Variants in DIXDC1 observed in about 807,000 individuals in gnomAD.
The protein encoded by DIXDC1 is dixin.
DIXDC1 carries 64 observed loss-of-function variants against 103.1 expected under a neutral mutation model. The ratio of observed to expected loss-of-function variants is 0.62; its 90% CI spans 0.51 to 0.76. The LOEUF (loss-of-function observed/expected upper bound fraction) is 0.76. Among genes scored for constraint, DIXDC1 ranks in the 30% least tolerant of loss-of-function variants. DIXDC1 has a pLI of 0.00. For synonymous variants in DIXDC1, 266 were observed against 298.5 expected (o/e 0.89, Z 1.12); for missense variants, 759 against 834.2 (o/e 0.91, Z 1.11).
intron 2 of DIXDC1, among the ~76,000 whole-genome samples, chr11:111,967,716 G>A (rs1859785189): frequency 6.6e-6 from 1 of 152,218 alleles, no homozygotes; most frequent in South Asian, 2.1e-4. Flanking sequence ...ACGGGCGCGG[G>A]CGTAAGCCAT....
chr11:111,976,352 G>C lies in DIXDC1; in HGVS notation c.656+1369G>C, dbSNP rs895226373. The stretch of plus-strand genomic sequence containing the variant: ...GAGGGCTGTGAGACTGTGAATGTGT[G>C]AATGAGGGGCCCACCGGCTATCAGG... On this transcript the variant is annotated intron_variant, in intron 5 of 19. Transcript: ENST00000440460. This position sits in a 1 kb window ranked among gnomAD's most constrained non-coding sequence, Gnocchi z 4.3. Among the ~76,000 whole-genome samples, 1 of 152,114 alleles carries C rather than the reference G, an allele frequency of 6.6e-6. No homozygotes were observed. The highest frequency in any genetic ancestry group is 1.9e-4 in the East Asian group (1 of 5,192).
At chr11:111,933,013 ATTAT>A (rs1966080075), upstream of DIXDC1, among the ~76,000 whole-genome samples, 1 of 152,254 alleles carries the variant, frequency 6.6e-6, no homozygotes, top group Non-Finnish European at 1.5e-5. Context: ...GATACTAAAA[ATTAT>A]TTATATTTGG....
At chr11:111,959,502 C>T (rs587768536) in intron 1 of DIXDC1, among the ~76,000 whole-genome samples, 30 of 152,292 alleles carry the variant, frequency 2.0e-4, no homozygotes, top group Non-Finnish European at 4.3e-4. Flanking sequence ...GTGGCTGGAC[C>T]CCATGTTCAC....
At chr11:111,937,140 G>GGGT (rs1566450832), upstream of DIXDC1, 210 of 749,912 alleles carry the variant, frequency 2.8e-4, 10 homozygotes, top group African/African-American at 3.8e-3. Context: ...GCGGGGGGGG[G>GGGT]GTGTGCGCGT....
In DIXDC1 at chr11:112,019,214, C is replaced by T. The variant is rs782807525; in HGVS notation, c.*178C>T. Reference sequence around the variant, plus strand: ...CTTTCTGTGCCTGGCATATCTGGTACTTAAAATTCTGTCCAAATGTAGACC... The same window carrying T: ...CTTTCTGTGCCTGGCATATCTGGTATTTAAAATTCTGTCCAAATGTAGACC... On this transcript the variant is annotated 3_prime_UTR_variant, in exon 20 of 20. Coordinates refer to ENST00000440460, the MANE Select transcript of DIXDC1 (RefSeq NM_001037954.4). The T allele has an allele frequency of 9.8e-6, 5 of 512,202 alleles. No individual in the cohort carries two copies. The highest frequency in any genetic ancestry group is 9.6e-5 in the Admixed American group (3 of 31,140). The allele number at this position is 512,202 out of a possible 1,614,324, so 31.7% of individuals were successfully genotyped here.
intron 17 of DIXDC1, among the ~76,000 whole-genome samples, chr11:112,001,728 A>G (rs1169208236): frequency 6.6e-6 from 1 of 151,476 alleles, no homozygotes. Flanking sequence ...TGGGGCCACT[A>G]TACAACAGAT....
In DIXDC1 at chr11:111,996,107, G is replaced by A. The variant is rs781800886; in HGVS notation, c.1717G>A (p.Val573Ile). ...TCGGGTCAAGTCACCCAGAACTCAA[G>A]TAGGTAGTGAATACCGGGAGTCCTG... is the stretch of plus-strand genomic sequence containing the variant. Reference protein sequence around the residue: ...KVRVKSPRTQVGSEYRESWPP... With the variant: ...KVRVKSPRTQIGSEYRESWPP... Residue 573 changes from valine (V) to isoleucine (I), a missense_variant, in exon 17 of 20, where the codon GTA becomes ATA. Physicochemically the swap from Val to Ile is conservative, Grantham distance 29. This residue lies in a region of DIXDC1 where 657 missense variants were observed against 727.5 expected (regional missense o/e 0.90). Coordinates refer to ENST00000440460, the MANE Select transcript of DIXDC1 (RefSeq NM_001037954.4). The A allele has an allele frequency of 1.2e-6, 2 of 1,613,796 alleles. No homozygotes were observed. Among genetic ancestry groups the A allele is most frequent in the African/African-American group, 1.3e-5 (1 of 75,026 alleles).
At chr11:111,997,730 T>TC (rs1471606097) in intron 17 of DIXDC1, among the ~76,000 whole-genome samples, 1 of 151,696 alleles carries the variant, frequency 6.6e-6, no homozygotes, top group Non-Finnish European at 1.5e-5. Flanking sequence ...TACAATAAAT[T>TC]CCCCCCCAAA....
chr11:111,954,267 G>A lies in DIXDC1; in HGVS notation c.61-10282G>A, dbSNP rs143664704. Among the ~76,000 whole-genome samples the A allele has an allele frequency of 3.4e-3, 525 of 152,180 alleles. 1 individual carries two copies. The highest frequency in any genetic ancestry group is 5.9e-3 in the Non-Finnish European group (400 of 67,990). On this transcript the variant is annotated intron_variant, in intron 1 of 19. Transcript: ENST00000440460. ...CAGTCATTAGATTCTCATAAGGAGG[G>A]TGCAACCTAGATTCCTCACATGCAC...
Position 112,022,121 on chromosome 11 carries a change from A to G in DIXDC1, c.*3085A>G, listed in dbSNP as rs1861778029. On this transcript the variant is annotated 3_prime_UTR_variant, in exon 20 of 20. Transcript: ENST00000440460. The surrounding 1 kb of genome is among the most constrained non-coding windows in gnomAD (Gnocchi z 4.9). Reference sequence around the variant, plus strand: ...GAATTTGTTTTAAACTTACTTGGTAATGGCACTTCTACTTACTGACCAACT... The same window carrying G: ...GAATTTGTTTTAAACTTACTTGGTAGTGGCACTTCTACTTACTGACCAACT... 6.6e-6 allele frequency: 1 copy of G among 152,192 alleles called. No homozygotes were observed. Among genetic ancestry groups the G allele is most frequent in the South Asian group, 2.1e-4 (1 of 4,836 alleles). 9.4% of individuals were successfully genotyped at this position (152,192 alleles called of 1,614,324 possible).
chr11:111,935,967 C>G (rs1196826131), upstream of DIXDC1, among the ~76,000 whole-genome samples: 2 of 152,116 alleles, frequency 1.3e-5, no homozygotes, highest in African/African-American at 4.8e-5. Context: ...GACATTCAGA[C>G]AAGATATTGC....
chr11:111,968,739 C>A, intron 3 of DIXDC1, 101 bp downstream of exon 3: 2 of 1,225,706 alleles, frequency 1.6e-6, no homozygotes, highest in Non-Finnish European at 2.2e-6. Context: ...GATAGAAAGT[C>A]TCCATTCATT....
At chr11:111,937,145 G>T, upstream of DIXDC1, 3 of 789,662 alleles carry the variant, frequency 3.8e-6, no homozygotes, top group East Asian at 1.2e-4. Flanking sequence ...GGGGGGGTGT[G>T]CGCGTGCGTG....
chr11:111,986,850 C>A, intron 8 of DIXDC1, 21 bp from the exon 9 acceptor site: 1 of 1,557,684 alleles, frequency 6.4e-7, no homozygotes, highest in South Asian at 1.2e-5. Context: ...GCTTAGCCAT[C>A]TCTGTTTGTC....
intron 1 of DIXDC1, among the ~76,000 whole-genome samples, chr11:111,960,010 AG>A (rs1278118048): frequency 6.6e-6 from 1 of 151,944 alleles, no homozygotes; most frequent in Admixed American, 6.6e-5. Context: ...CCCAGGCTCA[AG>A]TGATTCTCCT....
chr11:111,994,599 TG>T (rs1555175079), intron 14 of DIXDC1, among the ~76,000 whole-genome samples: 1 of 147,268 alleles, frequency 6.8e-6, no homozygotes, highest in African/African-American at 2.6e-5. Flanking sequence ...TGTATGTATA[TG>T]TATGTATGTA....
intron 1 of DIXDC1, among the ~76,000 whole-genome samples, chr11:111,954,142 A>G (rs1555170349): frequency 6.6e-6 from 1 of 152,204 alleles, no homozygotes. Flanking sequence ...TGAAATAATT[A>G]TACAACTTAC....
At chr11:111,982,571 G>C in intron 7 of DIXDC1, 84 bp downstream of exon 7, 1 of 1,461,274 alleles carries the variant, frequency 6.8e-7, no homozygotes, top group Middle Eastern at 2.4e-4. Context: ...ACTGATTTTA[G>C]TTTTCTAGGA....
chr11:111,929,362 C>T (rs1965940428), intron 1 of DIXDC1, among the ~76,000 whole-genome samples: 1 of 152,098 alleles, frequency 6.6e-6, no homozygotes, highest in Non-Finnish European at 1.5e-5. Context: ...GCTTGACTAA[C>T]GATAGGGGAG....
Sources: gnomAD v4.1 joint callset for allele counts (sites outside exome capture counted in the v4.1 genomes callset) on GRCh38, gnomAD v4.1.1 for gene constraint, gnomAD v4.1.1 regional missense constraint, Gnocchi (gnomAD v3.1) non-coding constraint, MANE v1.5 for transcripts, NCBI Gene and HGNC (gene_info 2026-07-23, HGNC 2026-07-21) for gene names.